USF1: variants seen among roughly 807,000 people sequenced by gnomAD.
USF1 encodes upstream stimulatory factor 1.
Under a neutral mutation model 46.3 loss-of-function variants are expected in USF1, and 22 were observed. The ratio of observed to expected loss-of-function variants is 0.47; its 90% CI spans 0.34 to 0.68. The LOEUF (loss-of-function observed/expected upper bound fraction) is 0.68, where lower values mean the gene tolerates loss of function less well. USF1 is among the 30% of genes least tolerant of loss of function. The probability of loss-of-function intolerance (pLI) is 0.01; values close to 1 mark genes in which losing one functional copy is unlikely to be tolerated. For missense variants in USF1, 287 were observed against 399.3 expected (o/e 0.72, Z 2.40); for synonymous variants, 150 against 147.0 (o/e 1.02, Z -0.15).
rs756842622 is a variant in USF1 at position 161,040,627 on chromosome 1, C to G, written c.663G>C (p.Gln221His). The G allele has an allele frequency of 1.9e-6, 3 of 1,612,386 alleles. No homozygotes were observed. The highest frequency in any genetic ancestry group is 2.5e-6 in the Non-Finnish European group (3 of 1,179,836). Reference sequence around the variant, plus strand: ...AGCAGTCTGGGATTATCTTGGAGAGCTGCACGATCCAGTTGTTGATCTTGT... The same window carrying G: ...AGCAGTCTGGGATTATCTTGGAGAGGTGCACGATCCAGTTGTTGATCTTGT... The part of the protein sequence containing the change: ...RRDKINNWIV[Q>H]LSKIIPDCSM... The change falls in exon 9 of 11, where the codon CAG (glutamine) becomes CAC (histidine). Residue 221 changes from glutamine (Q) to histidine (H), a missense_variant. By Grantham distance (24) the Gln-to-His change is conservative. Coordinates refer to ENST00000368021, the MANE Select transcript of USF1 (RefSeq NM_007122.5). The surrounding 1 kb of genome is among the most constrained non-coding windows in gnomAD (Gnocchi z 4.0).
intron 1 of USF1, among the ~76,000 whole-genome samples, chr1:161,044,481 C>A (rs769557847): frequency 2.0e-5 from 3 of 152,198 alleles, no homozygotes; most frequent in Non-Finnish European, 2.9e-5. Flanking sequence ...ACCACAAAGA[C>A]TAGACTTGGC....
chr1:161,041,562 AGAGTCAT>A, intron 6 of USF1, 82 bp downstream of exon 6: 31 of 1,522,544 alleles, frequency 2.0e-5, no homozygotes, highest in Non-Finnish European at 2.7e-5. Context: ...ATGATCACTA[AGAGTCAT>A]GAGTGAAGGC....
In USF1 at chr1:161,042,475, G is replaced by T. The variant is rs540377207; in HGVS notation, c.174+80C>A. 7 of 1,489,208 alleles carry T rather than the reference G, an allele frequency of 4.7e-6. No individual in the cohort carries two copies. The Admixed American group carries it at 9.2e-5, about 20-fold the overall frequency. 92.2% of individuals were successfully genotyped at this position (1,489,208 alleles called of 1,614,324 possible). On this transcript the variant is annotated intron_variant, in intron 4 of 10. Coordinates refer to ENST00000368021, the MANE Select transcript of USF1 (RefSeq NM_007122.5). ...TCTTTCAACTCATCCTCCAAGCCAG[G>T]TCTCCCCAAGACATGTTCAATTACC...
rs777990631 is a variant in USF1 at position 161,040,852 on chromosome 1, G to A, written c.581C>T (p.Thr194Met). ...AGCCCTGCGTTTCTCATCCCGAGTCGTCCGGGGAGCTTCTGACTTCCTGAC... is the reference window on the plus strand; with the variant it reads ...AGCCCTGCGTTTCTCATCCCGAGTCATCCGGGGAGCTTCTGACTTCCTGAC... ...PYSPKSEAPR[T>M]TRDEKRRAQH... Residue 194 changes from threonine to methionine, a missense_variant, in exon 8 of 11, where the codon ACG becomes ATG. Thr to Met is a moderately conservative substitution (Grantham distance 81). Coordinates refer to ENST00000368021, the MANE Select transcript of USF1 (RefSeq NM_007122.5). The surrounding 1 kb of genome is among the most constrained non-coding windows in gnomAD (Gnocchi z 4.0). 24 of 1,613,914 alleles carry A rather than the reference G, an allele frequency of 1.5e-5. No homozygotes were observed. Among genetic ancestry groups the A allele is most frequent in the Middle Eastern group, 1.6e-4 (1 of 6,084 alleles).
chr1:161,042,001 G>C, intron 5 of USF1, 115 bp downstream of exon 5: 1 of 1,346,366 alleles, frequency 7.4e-7, no homozygotes, highest in Non-Finnish European at 1.0e-6. Context: ...CTAGTGCTTT[G>C]GGACAAGGCA....
In USF1 at chr1:161,042,641, T is replaced by A. The variant is rs1435471647; in HGVS notation, c.88A>T (p.Ser30Cys). 6.2e-7 allele frequency: 1 copy of A among 1,614,200 alleles called. No homozygotes were observed. Among genetic ancestry groups the A allele is most frequent in the Non-Finnish European group, 8.5e-7 (1 of 1,180,034 alleles). The change falls in exon 4 of 11, where the codon AGT becomes TGT. Residue 30 changes from serine (S) to cysteine (C), a missense_variant. By Grantham distance (112) the Ser-to-Cys change is moderately radical (BLOSUM62 -1). Transcript: ENST00000368021. ...GACTGGATGCTGGCAATAGCCACAC[T>A]GGTTGGGTCTTCCCCAGTAGCCACT... Reference protein sequence around the residue: ...GAVATGEDPTSVAIASIQSAA... With the variant: ...GAVATGEDPTCVAIASIQSAA...
At position 161,039,674 on chromosome 1, in the gene USF1, G is replaced by A. The variant is rs34835261; in HGVS notation, c.*246C>T. 121 of 540,520 alleles carry A rather than the reference G, an allele frequency of 2.2e-4. No homozygotes were observed. The East Asian group carries it at 3.7e-3, about 17-fold the overall frequency. 33.5% of individuals were successfully genotyped at this position (540,520 alleles called of 1,614,324 possible). On this transcript the variant is annotated 3_prime_UTR_variant, in exon 11 of 11. Transcript: ENST00000368021. ...CATGGAGACAGCACATGCATTGTGCGAGAGGAGCACAAGGGCCCAGGGGCT... is the reference window on the plus strand; with the variant it reads ...CATGGAGACAGCACATGCATTGTGCAAGAGGAGCACAAGGGCCCAGGGGCT...
At chr1:161,041,565 G>C (rs2073656) in intron 6 of USF1, 86 bp downstream of exon 6, 389,529 of 1,522,880 alleles carry the variant, frequency 0.26, 52,666 homozygotes, top group Non-Finnish European at 0.27. Context: ...ATCACTAAGA[G>C]TCATGAGTGA....
At position 161,041,804 on chromosome 1, in the gene USF1, T is replaced by C; in HGVS notation, c.319A>G (p.Thr107Ala). The C allele has an allele frequency of 6.2e-7, 1 of 1,613,976 alleles. No homozygotes were observed. The highest frequency in any genetic ancestry group is 1.1e-5 in the South Asian group (1 of 91,074). The change falls in exon 6 of 11, where the codon ACG becomes GCG. Residue 107 changes from threonine to alanine, a missense_variant. By Grantham distance (58) the Thr-to-Ala change is moderately conservative. Transcript: ENST00000368021. ...GAFTSDDAVDTEGTAAETHYT... is the reference protein window; with the variant it reads ...GAFTSDDAVDAEGTAAETHYT... ...TGCGTCTCAGCAGCTGTCCCCTCCG[T>C]GTCAACTGCATCATCACTGGTGAAA...
Position 161,043,334 on chromosome 1 carries a change from C to T in USF1, c.-59G>A, listed in dbSNP as rs1650649760. ...CCTTTTTTGGAGGTCTTTGTATCTC[C>T]TGATTCACAGGCCTGAGTGCTAAGT... On this transcript the variant is annotated 5_prime_UTR_variant, in exon 2 of 11. Coordinates refer to ENST00000368021, the MANE Select transcript of USF1 (RefSeq NM_007122.5). The T allele has an allele frequency of 1.2e-6, 2 of 1,613,690 alleles. No homozygotes were observed. The highest frequency in any genetic ancestry group is 2.7e-5 in the African/African-American group (2 of 74,902).
intron 1 of USF1, among the ~76,000 whole-genome samples, chr1:161,044,098 A>T (rs1156544730): frequency 6.6e-6 from 1 of 151,832 alleles, no homozygotes; most frequent in Non-Finnish European, 1.5e-5. Flanking sequence ...GCCCACCACC[A>T]CGCCCAGCTA....
Position 161,041,820 on chromosome 1 carries a change from A to G in USF1, c.303T>C (p.Ser101=), listed in dbSNP as rs760018332. The G allele has an allele frequency of 5.0e-6, 8 of 1,613,180 alleles. No homozygotes were observed. The African/African-American group carries it at 1.1e-4, about 22-fold the overall frequency. ...TQAVIQGAFT[S]DDAVDTEGTA... is the part of the protein sequence containing the mutation. ...TCCCCTCCGTGTCAACTGCATCATC[A>G]CTGGTGAAAGCACCCTGGATCACCG... Residue 101 remains serine (S), a synonymous_variant, in exon 6 of 11, where the codon AGT becomes AGC. Transcript: ENST00000368021.
chr1:161,041,344 A>G lies in USF1; in HGVS notation c.540T>C (p.Pro180=). 3 of 1,611,486 alleles carry G rather than the reference A, an allele frequency of 1.9e-6. No homozygotes were observed. The highest frequency in any genetic ancestry group is 2.2e-5 in the East Asian group (1 of 44,728). Residue 180 remains proline (P), a synonymous_variant, in exon 7 of 11, where the codon CCT becomes CCC. Coordinates refer to ENST00000368021, the MANE Select transcript of USF1 (RefSeq NM_007122.5). ...CTCACGGGGAATAAGGGTGAGTCCTAGGGGCAATTGAGCGCTGGCTTCCTC... is the reference window on the plus strand; with the variant it reads ...CTCACGGGGAATAAGGGTGAGTCCTGGGGGCAATTGAGCGCTGGCTTCCTC... The part of the protein sequence containing the change: ...LQGGSQRSIA[P]RTHPYSPKSE...
chr1:161,043,972 A>G (rs1314537919), intron 1 of USF1, among the ~76,000 whole-genome samples: 47 of 111,554 alleles, frequency 4.2e-4, no homozygotes, highest in Admixed American at 5.6e-4. Context: ...CTGAGACAGA[A>G]TCTTGCTCTG....
chr1:161,041,463 A>G, intron 6 of USF1, 52 bp from the exon 7 acceptor site: 1 of 1,573,736 alleles, frequency 6.4e-7, no homozygotes, highest in Non-Finnish European at 8.7e-7. Context: ...AACCTCACCA[A>G]GCCCTGAGGT....
At position 161,042,214 on chromosome 1, in the gene USF1, T is replaced by A. The variant is rs1650595659; in HGVS notation, c.178A>T (p.Met60Leu). The A allele has an allele frequency of 6.2e-7, 1 of 1,613,060 alleles. No homozygotes were observed. The highest frequency in any genetic ancestry group is 8.5e-7 in the Non-Finnish European group (1 of 1,179,502). ...TCAGACACCTGGATCACCCTGTACATCACCTAGAAGTGTAGAGGAAGGCAG... is the reference window on the plus strand; with the variant it reads ...TCAGACACCTGGATCACCCTGTACAACACCTAGAAGTGTAGAGGAAGGCAG... ...VFRTENGGQVMYRVIQVSEGQ... is the reference protein window; with the variant it reads ...VFRTENGGQVLYRVIQVSEGQ... Residue 60 changes from methionine (M) to leucine (L), a missense_variant, in exon 5 of 11, where the codon ATG becomes TTG. By Grantham distance (15) the Met-to-Leu change is conservative. Transcript: ENST00000368021.
At chr1:161,041,081 G>A (rs1302868076) in intron 7 of USF1, among the ~76,000 whole-genome samples, 1 of 151,880 alleles carries the variant, frequency 6.6e-6, no homozygotes, top group African/African-American at 2.4e-5. Flanking sequence ...GGCCAACATG[G>A]TGAAACCCTG....
At chr1:161,043,659 T>A (rs1333749273) in intron 1 of USF1, among the ~76,000 whole-genome samples, 1 of 147,294 alleles carries the variant, frequency 6.8e-6, no homozygotes, top group Non-Finnish European at 1.5e-5. Context: ...AGTCTCTCTC[T>A]GTCACCCAGG....
In USF1 at chr1:161,041,727, T is replaced by C. The variant is rs756342544; in HGVS notation, c.396A>G (p.Thr132=). ...TAACAACAGCAGCTGTACTCCCCGA[T>C]GTGGTACCCCCTGCCCCATCTCCCA... ...TAVGDGAGGT[T]SGSTAAVVTT... is the part of the protein sequence containing the mutation. The change falls in exon 6 of 11, where the codon ACA becomes ACG. Residue 132 remains threonine (T), a synonymous_variant. Transcript: ENST00000368021. The C allele has an allele frequency of 6.2e-7, 1 of 1,614,120 alleles. No homozygotes were observed. Among genetic ancestry groups the C allele is most frequent in the South Asian group, 1.1e-5 (1 of 91,088 alleles).
Sources: gnomAD v4.1 joint callset for allele counts (sites outside exome capture counted in the v4.1 genomes callset) on GRCh38, gnomAD v4.1.1 for gene constraint, Gnocchi (gnomAD v3.1) non-coding constraint, MANE v1.5 for transcripts, NCBI Gene and HGNC (gene_info 2026-07-23, HGNC 2026-07-21) for gene names.